MFAP2: variants seen among roughly 807,000 people sequenced by gnomAD.
The protein encoded by MFAP2 is microfibrillar-associated protein 2.
In MFAP2, 23 loss-of-function variants were observed where a neutral mutation model predicts 30.6. That is an observed-to-expected ratio of 0.75 (90% confidence interval 0.54 to 1.07). The LOEUF is 1.07. Among genes scored for constraint, MFAP2 ranks in the 50% least tolerant of loss-of-function variants. MFAP2 has a pLI of 0.00. For synonymous variants in MFAP2, 73 were observed against 85.7 expected (o/e 0.85, Z 0.82); for missense variants, 198 against 223.8 (o/e 0.88, Z 0.74).
intron 2 of MFAP2, chr1:16,978,011 C>T: frequency 4.0e-6 from 2 of 504,650 alleles, no homozygotes; most frequent in Middle Eastern, 5.3e-4. Context: ...CAGAACCCTG[C>T]CTGCCTGCTG....
chr1:16,977,616 G>C (rs145805486), intron 2 of MFAP2: 147 of 188,362 alleles, frequency 7.8e-4, no homozygotes, highest in African/African-American at 3.3e-3. Flanking sequence ...GCACATGCTG[G>C]AGTTTCTCAT....
At chr1:16,979,035 T>C (rs993229938) in intron 1 of MFAP2, 1 of 152,248 alleles carries the variant, frequency 6.6e-6, no homozygotes, top group African/African-American at 2.4e-5. Context: ...AGGGGGCTCC[T>C]CTGGATCCCA....
At position 16,975,657 on chromosome 1, in the gene MFAP2, C is replaced by A. The variant is rs372175004; in HGVS notation, c.360G>T (p.Glu120Asp). The A allele has an allele frequency of 6.2e-7, 1 of 1,613,950 alleles. No individual in the cohort carries two copies. Among genetic ancestry groups the A allele is most frequent in the Non-Finnish European group, 8.5e-7 (1 of 1,179,988 alleles). ...TCTGTGCTCACCTGTAGAAGCAGAC[C>A]TCGTTGAGACACTGTTTGCAAGGCC... is the stretch of plus-strand genomic sequence containing the variant. ...IHRPCKQCLN[E>D]VCFYSLRRVY... The change falls in exon 7 of 9, where the codon GAG (glutamate) becomes GAT (aspartate). Residue 120 changes from glutamate to aspartate, a missense_variant. Physicochemically the swap from Glu to Asp is conservative, Grantham distance 45. Transcript: ENST00000375535. This position sits in a 1 kb window ranked among gnomAD's most constrained non-coding sequence, Gnocchi z 5.0.
chr1:16,975,811 G>GCCTA lies in MFAP2; in HGVS notation c.287-85_287-82dup. The GCCTA allele has an allele frequency of 8.1e-7, 1 of 1,227,882 alleles. No individual in the cohort carries two copies. 76.1% of individuals were successfully genotyped at this position (1,227,882 alleles called of 1,614,324 possible). On this transcript the variant is annotated intron_variant, in intron 6 of 8. Transcript: ENST00000375535. The surrounding 1 kb of genome is among the most constrained non-coding windows in gnomAD (Gnocchi z 5.0). ...CACCCACCTGAGGCTGGCTCACAGG[G>GCCTA]CCTAGTCCCCCCTGTACCTTCAGGC...
rs2076588074 is a variant in MFAP2 at position 16,976,044 on chromosome 1, A to G, written c.287-314T>C. On this transcript the variant is annotated intron_variant, in intron 6 of 8. Transcript: ENST00000375535. This position sits in a 1 kb window ranked among gnomAD's most constrained non-coding sequence, Gnocchi z 5.5. The stretch of plus-strand genomic sequence containing the variant: ...CGTGCCCACGCTCACAGAAGCCCAC[A>G]TAGGAGCGCTCACACCAACCCACAC... 2 of 468,272 alleles carry G rather than the reference A, an allele frequency of 4.3e-6. No homozygotes were observed. Among genetic ancestry groups the G allele is most frequent in the South Asian group, 2.3e-5 (1 of 42,570 alleles). 29.0% of individuals were successfully genotyped at this position (468,272 alleles called of 1,614,324 possible). A position where few individuals can be genotyped will look rare whatever the true frequency, so the allele number is the denominator to read the frequency against.
chr1:16,976,462 G>C lies in MFAP2; in HGVS notation c.286+39C>G, dbSNP rs1350720299. On this transcript the variant is annotated intron_variant, in intron 6 of 8. Coordinates refer to ENST00000375535, the MANE Select transcript of MFAP2 (RefSeq NM_002403.4). The surrounding 1 kb of genome is among the most constrained non-coding windows in gnomAD (Gnocchi z 5.5). ...CCCCCTACTCCACCCCAACTTCAGG[G>C]CGTGCCTCCATTTTTCCAGCTGTCA... 2 of 1,613,560 alleles carry C rather than the reference G, an allele frequency of 1.2e-6. No homozygotes were observed. The highest frequency in any genetic ancestry group is 8.5e-7 in the Non-Finnish European group (1 of 1,179,562).
At chr1:16,980,278 C>T (rs868631546) in intron 1 of MFAP2, among the ~76,000 whole-genome samples, 4 of 136,694 alleles carry the variant, frequency 2.9e-5, no homozygotes, top group East Asian at 5.1e-4. Flanking sequence ...CCCCCCCCCC[C>T]CACCCCACCC....
Position 16,976,585 on chromosome 1 carries a change from G to C in MFAP2, c.242-40C>G. 6.2e-7 allele frequency: 1 copy of C among 1,613,866 alleles called. No individual in the cohort carries two copies. The highest frequency in any genetic ancestry group is 8.5e-7 in the Non-Finnish European group (1 of 1,179,770). Reference sequence around the variant, plus strand: ...GAGGTAGGCAGACATCACTGGGAGGGGTCTCCTCAGGGCAAGGGGAGTCAC... The same window carrying C: ...GAGGTAGGCAGACATCACTGGGAGGCGTCTCCTCAGGGCAAGGGGAGTCAC... On this transcript the variant is annotated intron_variant, in intron 5 of 8. Coordinates refer to ENST00000375535, the MANE Select transcript of MFAP2 (RefSeq NM_002403.4). The surrounding 1 kb of genome is among the most constrained non-coding windows in gnomAD (Gnocchi z 5.5).
upstream of MFAP2, among the ~76,000 whole-genome samples, chr1:16,981,110 A>G (rs2076635611): frequency 6.6e-6 from 1 of 152,120 alleles, no homozygotes; most frequent in South Asian, 2.1e-4. Context: ...GCTCTGGGCC[A>G]TGGCTGGCTT....
chr1:16,976,386 G>A lies in MFAP2; in HGVS notation c.286+115C>T. ...CTACGGCAGTCATACTGCCCACACT[G>A]CCAAGAGCCCACATGGGCAAGGGCC... On this transcript the variant is annotated intron_variant, in intron 6 of 8. Transcript: ENST00000375535. The surrounding 1 kb of genome is among the most constrained non-coding windows in gnomAD (Gnocchi z 5.5). 7.3e-7 allele frequency: 1 copy of A among 1,372,476 alleles called. No homozygotes were observed. Among genetic ancestry groups the A allele is most frequent in the Non-Finnish European group, 1.0e-6 (1 of 963,866 alleles). 85.0% of individuals were successfully genotyped at this position (1,372,476 alleles called of 1,614,324 possible). A position where few individuals can be genotyped will look rare whatever the true frequency, so the allele number is the denominator to read the frequency against.
upstream of MFAP2, chr1:16,980,741 C>G (rs2100591734): frequency 6.6e-6 from 1 of 150,452 alleles, no homozygotes; most frequent in Admixed American, 6.6e-5. Flanking sequence ...CATGGGCCGC[C>G]ACGCCGTGCC....
At position 16,978,319 on chromosome 1, in the gene MFAP2, G is replaced by T; in HGVS notation, c.-41-5C>A. 1 of 1,558,214 alleles carries T rather than the reference G, an allele frequency of 6.4e-7. No individual in the cohort carries two copies. The highest frequency in any genetic ancestry group is 1.2e-5 in the South Asian group (1 of 84,692). The stretch of plus-strand genomic sequence containing the variant: ...GGGTGGTGTCAGAGAGGACAGCTGG[G>T]GAAAGACCGGTGGGAGAGCTCTACC... On this transcript the variant is annotated splice_region_variant and splice_polypyrimidine_tract_variant and intron_variant, in intron 1 of 8. Coordinates refer to ENST00000375535, the MANE Select transcript of MFAP2 (RefSeq NM_002403.4).
At chr1:16,981,427 C>T (rs536118723), upstream of MFAP2, among the ~76,000 whole-genome samples, 1 of 152,356 alleles carries the variant, frequency 6.6e-6, no homozygotes, top group African/African-American at 2.4e-5. Context: ...TCCCAGTCCC[C>T]CCTTGGCCCC....
Position 16,976,702 on chromosome 1 carries a change from G to A in MFAP2, c.241+6C>T. 6.2e-7 allele frequency: 1 copy of A among 1,613,600 alleles called. No individual in the cohort carries two copies. Among genetic ancestry groups the A allele is most frequent in the Non-Finnish European group, 8.5e-7 (1 of 1,179,740 alleles). ...GAGACGGGTGGGAGCAGGGTCTGGG[G>A]CCTACCTGGGGTTGGGGCTGGGATG... On this transcript the variant is annotated splice_donor_region_variant and intron_variant, in intron 5 of 8. Coordinates refer to ENST00000375535, the MANE Select transcript of MFAP2 (RefSeq NM_002403.4). This position sits in a 1 kb window ranked among gnomAD's most constrained non-coding sequence, Gnocchi z 5.5.
At chr1:16,980,751 C>G (rs1203796246), upstream of MFAP2, 1 of 139,598 alleles carries the variant, frequency 7.2e-6, no homozygotes, top group Non-Finnish European at 1.6e-5. Context: ...CACGCCGTGC[C>G]CTCGGGGTTC....
Position 16,975,403 on chromosome 1 carries a change from C to A in MFAP2, c.375-61G>T. On this transcript the variant is annotated intron_variant, in intron 7 of 8. Coordinates refer to ENST00000375535, the MANE Select transcript of MFAP2 (RefSeq NM_002403.4). The surrounding 1 kb of genome is among the most constrained non-coding windows in gnomAD (Gnocchi z 5.0). The stretch of plus-strand genomic sequence containing the variant: ...TTCCACCCAATCCCACTGGGATAGC[C>A]CAGACAGAACCTGGCACGGGAGCCC... 1 of 1,565,034 alleles carries A rather than the reference C, an allele frequency of 6.4e-7. No homozygotes were observed. Among genetic ancestry groups the A allele is most frequent in the Non-Finnish European group, 8.7e-7 (1 of 1,143,638 alleles).
chr1:16,980,395 T>C (rs1468887821), intron 1 of MFAP2, among the ~76,000 whole-genome samples, 192 bp downstream of exon 1: 1 of 151,528 alleles, frequency 6.6e-6, no homozygotes, highest in East Asian at 2.0e-4. Context: ...ATTCGCGTTC[T>C]CTCTGCAGAG....
rs1046984598 is a variant in MFAP2, at chr1:16,975,822, C to A, written c.287-92G>T. ...GGCTGGCTCACAGGGCCTAGTCCCC[C>A]CTGTACCTTCAGGCCCCGTGCAGAC... On this transcript the variant is annotated intron_variant, in intron 6 of 8. Transcript: ENST00000375535. This position sits in a 1 kb window ranked among gnomAD's most constrained non-coding sequence, Gnocchi z 5.0. The A allele has an allele frequency of 9.3e-6, 10 of 1,077,056 alleles. No individual in the cohort carries two copies. In the African/African-American group the frequency reaches 1.3e-4, roughly 14 times the overall value. 66.7% of individuals were successfully genotyped at this position (1,077,056 alleles called of 1,614,324 possible).
chr1:16,981,276 C>G (rs1466105272), upstream of MFAP2, among the ~76,000 whole-genome samples: 1 of 152,192 alleles, frequency 6.6e-6, no homozygotes, highest in Non-Finnish European at 1.5e-5. Flanking sequence ...AGTCCCTGCC[C>G]CCGGCCATAA....
Sources: allele counts gnomAD v4.1 joint callset (sites outside exome capture counted in the v4.1 genomes callset), GRCh38; gene constraint gnomAD v4.1.1; non-coding constraint Gnocchi (gnomAD v3.1); transcripts MANE v1.5; gene names NCBI Gene and HGNC (gene_info 2026-07-23, HGNC 2026-07-21).